Variants in SORL1 observed in about 807,000 individuals in gnomAD.
SORL1 encodes the protein sortilin related receptor 1.
Under a neutral mutation model 273.7 loss-of-function variants are expected in SORL1, and 127 were observed. That is an observed-to-expected ratio of 0.46 (90% CI 0.40 to 0.54). SORL1 has a LOEUF of 0.54. SORL1 is among the 20% of genes least tolerant of loss of function. The pLI is 0.00. For synonymous variants in SORL1, 1,031 were observed against 1,067.4 expected (o/e 0.97, Z 0.66); for missense variants, 2,494 against 2,846.1 (o/e 0.88, Z 2.81).
At chr11:121,517,788 T>C (rs188989682) in intron 8 of SORL1, among the ~76,000 whole-genome samples, 29 of 152,338 alleles carry the variant, frequency 1.9e-4, no homozygotes, top group East Asian at 1.2e-3. Flanking sequence ...TCAGATTTTA[T>C]CTGAGGACTA....
Position 121,513,006 on chromosome 11 carries a change from C to T in SORL1, c.943C>T (p.Leu315Phe). 6.2e-7 allele frequency: 1 copy of T among 1,613,094 alleles called. No individual in the cohort carries two copies. The highest frequency in any genetic ancestry group is 8.5e-7 in the Non-Finnish European group (1 of 1,179,176). Residue 315 changes from leucine (L) to phenylalanine (F), a missense_variant, in exon 7 of 48, where the codon CTC (leucine) becomes TTC (phenylalanine). Physicochemically the swap from Leu to Phe is conservative, Grantham distance 22. This residue lies in a region of SORL1 where 710 missense variants were observed against 882.5 expected (regional missense o/e 0.80). Transcript: ENST00000260197. ...KYMFATKVVHLLGSEQQSSVQ... is the reference protein window; with the variant it reads ...KYMFATKVVHFLGSEQQSSVQ... ...TTTTTCTCCTCTTCCTTGGCAGCATCTCTTGGGCAGTGAACAGCAGTCTTC... is the reference window on the plus strand; with the variant it reads ...TTTTTCTCCTCTTCCTTGGCAGCATTTCTTGGGCAGTGAACAGCAGTCTTC...
intron 42 of SORL1, 128 bp from the exon 43 acceptor site, chr11:121,619,625 T>C (rs1057419745): frequency 2.5e-6 from 2 of 798,804 alleles, no homozygotes; most frequent in Middle Eastern, 2.7e-4. Context: ...GAAATTATTT[T>C]ATATTTTATG....
Position 121,622,287 on chromosome 11 carries a change from C to G in SORL1, c.6171+19C>G, listed in dbSNP as rs1199555752. On this transcript the variant is annotated intron_variant, in intron 45 of 47. Transcript: ENST00000260197. ...AAGCAGGGTAAGTTCCTCCCTCATT[C>G]TCAATGACTTTGGAAATTTAATTGA... The G allele has an allele frequency of 4.9e-6, 7 of 1,441,076 alleles. No homozygotes were observed. Among genetic ancestry groups the G allele is most frequent in the Non-Finnish European group, 6.8e-6 (7 of 1,027,068 alleles). The allele number at this position is 1,441,076 out of a possible 1,614,324, so 89.3% of individuals were successfully genotyped here.
At chr11:121,514,548 C>A (rs1247216550) in intron 8 of SORL1, among the ~76,000 whole-genome samples, 3 of 151,332 alleles carry the variant, frequency 2.0e-5, no homozygotes, top group African/African-American at 7.2e-5. Context: ...TACGTGCAGC[C>A]AAGTCTGAGA....
In SORL1 at chr11:121,588,290, G is replaced by C. The variant is rs560335900; in HGVS notation, c.3946+139G>C. 4.5e-5 allele frequency: 38 copies of C among 845,680 alleles called. No individual in the cohort carries two copies. In the African/African-American group the frequency reaches 5.7e-4, roughly 13 times the overall value. 52.4% of individuals were successfully genotyped at this position (845,680 alleles called of 1,614,324 possible). On this transcript the variant is annotated intron_variant, in intron 28 of 47. Transcript: ENST00000260197. Reference sequence around the variant, plus strand: ...TCGAGGGTTTGACCACCCTGGAGTTGCACCTCTATTTAGCTTACATGTCTA... The same window carrying C: ...TCGAGGGTTTGACCACCCTGGAGTTCCACCTCTATTTAGCTTACATGTCTA...
At chr11:121,571,454 C>A (rs1395528217) in intron 23 of SORL1, among the ~76,000 whole-genome samples, 1 of 152,218 alleles carries the variant, frequency 6.6e-6, no homozygotes, top group Non-Finnish European at 1.5e-5. Context: ...GAAAGTTCAT[C>A]TTTGGAAGGA....
At chr11:121,484,028 A>C (rs544861137) in intron 3 of SORL1, among the ~76,000 whole-genome samples, 1 of 152,238 alleles carries the variant, frequency 6.6e-6, no homozygotes, top group Admixed American at 6.5e-5. Context: ...CAGGACAGCG[A>C]GGAGATTCAC....
chr11:121,506,641 A>C (rs1565318394), intron 6 of SORL1, among the ~76,000 whole-genome samples: 1 of 152,184 alleles, frequency 6.6e-6, no homozygotes. Flanking sequence ...ACACAGCCAA[A>C]CCATATCACA....
chr11:121,607,373 C>T (rs1169603581), intron 37 of SORL1, 83 bp downstream of exon 37: 2 of 753,884 alleles, frequency 2.7e-6, no homozygotes, highest in Non-Finnish European at 4.6e-6. Flanking sequence ...ACTCTCTACT[C>T]ACCTTTGTGA....
At position 121,577,414 on chromosome 11, in the gene SORL1, G is replaced by A; in HGVS notation, c.3580+14G>A. 6.4e-7 allele frequency: 1 copy of A among 1,574,176 alleles called. No individual in the cohort carries two copies. ...CCAACTGTACCGGTCAGTACTTCCT[G>A]GACTCAGTTGACAGCACTCATCCGT... is the stretch of plus-strand genomic sequence containing the variant. On this transcript the variant is annotated intron_variant, in intron 25 of 47. Transcript: ENST00000260197.
intron 14 of SORL1, among the ~76,000 whole-genome samples, chr11:121,547,769 A>G (rs530182094): frequency 6.6e-6 from 1 of 152,058 alleles, no homozygotes; most frequent in African/African-American, 2.4e-5. Flanking sequence ...CAGCCCAACT[A>G]TATGGCTCTT....
intron 21 of SORL1, among the ~76,000 whole-genome samples, chr11:121,562,656 G>T (rs1005737606): frequency 6.6e-6 from 1 of 152,110 alleles, no homozygotes; most frequent in Non-Finnish European, 1.5e-5. Flanking sequence ...TTTACTTCAT[G>T]ATGACCCTAC....
chr11:121,576,837 G>A (rs1374045874), intron 24 of SORL1: 17 of 1,534,086 alleles, frequency 1.1e-5, no homozygotes, highest in East Asian at 2.4e-5. Context: ...AGCATCTCAC[G>A]GTGATCAGCT....
intron 6 of SORL1, among the ~76,000 whole-genome samples, chr11:121,512,523 A>G (rs1021958187): frequency 6.6e-6 from 1 of 152,248 alleles, no homozygotes; most frequent in African/African-American, 2.4e-5. Flanking sequence ...GGTGCAAATT[A>G]AAACCTTGTG....
At chr11:121,590,526 A>G in intron 30 of SORL1, 1 of 519,860 alleles carries the variant, frequency 1.9e-6, no homozygotes, top group Non-Finnish European at 3.4e-6. Context: ...GCATGCTAAT[A>G]AGCCCCCAGG....
At chr11:121,526,176 T>G (rs1041388898) in intron 11 of SORL1, among the ~76,000 whole-genome samples, 1 of 152,220 alleles carries the variant, frequency 6.6e-6, no homozygotes, top group African/African-American at 2.4e-5. Flanking sequence ...CATATGGAGA[T>G]CTAATTGATT....
intron 2 of SORL1, 129 bp downstream of exon 2, chr11:121,470,252 G>C: frequency 1.4e-6 from 1 of 732,082 alleles, no homozygotes; most frequent in Non-Finnish European, 2.5e-6. Flanking sequence ...GTATGACAGG[G>C]AAGATAATCT....
At chr11:121,602,828 T>A (rs868052422) in intron 32 of SORL1, among the ~76,000 whole-genome samples, 63 of 152,224 alleles carry the variant, frequency 4.1e-4, no homozygotes, top group African/African-American at 1.5e-3. Context: ...ATAAACAAAA[T>A]TCCTTCCATA....
chr11:121,457,678 T>C (rs1185071915), intron 1 of SORL1, among the ~76,000 whole-genome samples: 1 of 152,230 alleles, frequency 6.6e-6, no homozygotes, highest in Non-Finnish European at 1.5e-5. Flanking sequence ...TCAAGCGTTC[T>C]TGCAGAGCAG....
Sources: gnomAD v4.1 joint callset for allele counts (sites outside exome capture counted in the v4.1 genomes callset) on GRCh38, gnomAD v4.1.1 for gene constraint, gnomAD v4.1.1 regional missense constraint, MANE v1.5 for transcripts, NCBI Gene and HGNC (gene_info 2026-07-23, HGNC 2026-07-21) for gene names.